Variants in FMN1 observed in about 807,000 individuals in gnomAD.
The protein encoded by FMN1 is formin-1.
Under a neutral mutation model 132.4 loss-of-function variants are expected in FMN1, and 110 were observed. The ratio of observed to expected loss-of-function variants is 0.83; its 90% confidence interval spans 0.71 to 0.97. FMN1 has a LOEUF of 0.97. Ranked by LOEUF, FMN1 falls within the 50% of genes least tolerant of loss-of-function variation. The pLI, the probability that FMN1 is intolerant of heterozygous loss-of-function variation, is 0.00. For synonymous variants in FMN1, 722 were observed against 651.7 expected, an observed-to-expected ratio of 1.11 and a Z score of -1.64; for missense variants, 1,792 against 1,705.3, an observed-to-expected ratio of 1.05 and a Z score of -0.90.
intron 6 of FMN1, among the ~76,000 whole-genome samples, chr15:33,035,967 T>C (rs2036173728): frequency 6.6e-6 from 1 of 152,132 alleles, no homozygotes; most frequent in Admixed American, 6.5e-5. Context: ...AAGAGAGACC[T>C]GTGTTTGCAT....
intron 5 of FMN1, among the ~76,000 whole-genome samples, chr15:33,078,997 A>T (rs1158917272): frequency 2.0e-5 from 3 of 152,200 alleles, no homozygotes; most frequent in African/African-American, 7.2e-5. Flanking sequence ...GCCAAAAACA[A>T]TCATGTGAAT....
intron 7 of FMN1, among the ~76,000 whole-genome samples, chr15:32,983,233 A>C (rs1022002731): frequency 2.0e-5 from 3 of 152,164 alleles, no homozygotes; most frequent in Non-Finnish European, 4.4e-5. Flanking sequence ...TCTCAAATGC[A>C]CTCTGTTAAG....
intron 7 of FMN1, among the ~76,000 whole-genome samples, chr15:32,996,552 G>A (rs182493197): frequency 6.6e-6 from 1 of 152,182 alleles, no homozygotes; most frequent in Admixed American, 6.5e-5. Flanking sequence ...CAGTGTACAG[G>A]GTAAGAGGGC....
chr15:32,887,011 C>A (rs189026232), intron 16 of FMN1, among the ~76,000 whole-genome samples: 7 of 152,130 alleles, frequency 4.6e-5, no homozygotes, highest in Non-Finnish European at 1.0e-4. Flanking sequence ...AAAAAACCCA[C>A]GTTCCTTTAA....
At chr15:32,876,270 G>GACTGTCAAAAGGTACTATTTCTATAAGTT (rs1456050260) in intron 16 of FMN1, among the ~76,000 whole-genome samples, 1 of 152,122 alleles carries the variant, frequency 6.6e-6, no homozygotes, top group Non-Finnish European at 1.5e-5. Context: ...CCAGATATAT[G>GACTGTCAAAAGGTACTATTTCTATAAGTT]ACTGTCAAAA....
chr15:32,832,141 C>A (rs1336684930), intron 17 of FMN1, among the ~76,000 whole-genome samples: 1 of 152,086 alleles, frequency 6.6e-6, no homozygotes. Flanking sequence ...TAGCTATACC[C>A]CAAAGAGTTT....
chr15:32,979,058 T>C lies in FMN1; in HGVS notation c.2224-9581A>G, dbSNP rs567088611. 9.9e-5 allele frequency among the ~76,000 whole-genome samples: 15 copies of C among 152,282 alleles called. No individual in the cohort carries two copies. The East Asian group carries it at 2.9e-3, about 29-fold the overall frequency. Reference sequence around the variant, plus strand: ...AAAATAGTTCCCGCAACTTTACAAATGATACAGCTCTCTGGGAGCAAGAAG... The same window carrying C: ...AAAATAGTTCCCGCAACTTTACAAACGATACAGCTCTCTGGGAGCAAGAAG... On this transcript the variant is annotated intron_variant, in intron 7 of 20. Transcript: ENST00000616417.
chr15:33,045,071 C>A (rs1442030963), intron 6 of FMN1, among the ~76,000 whole-genome samples: 1 of 152,242 alleles, frequency 6.6e-6, no homozygotes. Context: ...GGCTGTGACA[C>A]CTGCTTTGGG....
intron 6 of FMN1, chr15:33,012,821 G>C: frequency 1.5e-6 from 1 of 650,690 alleles, no homozygotes; most frequent in African/African-American, 1.8e-5. Context: ...GGTGGTGGAG[G>C]ATATGGTAGC....
intron 5 of FMN1, among the ~76,000 whole-genome samples, chr15:33,085,085 G>A (rs897671923): frequency 6.6e-6 from 1 of 152,160 alleles, no homozygotes; most frequent in African/African-American, 2.4e-5. Flanking sequence ...GTCATTAACA[G>A]CAGGCTATTT....
At chr15:33,068,701 G>T (rs188382767) in intron 5 of FMN1, among the ~76,000 whole-genome samples, 115 of 151,860 alleles carry the variant, frequency 7.6e-4, no homozygotes, top group African/African-American at 2.7e-3. Flanking sequence ...CCTAAAGCCC[G>T]TGAGGGATAA....
chr15:32,830,979 G>A (rs945887930), intron 17 of FMN1, among the ~76,000 whole-genome samples: 10 of 151,982 alleles, frequency 6.6e-5, no homozygotes, highest in Non-Finnish European at 1.3e-4. Context: ...ATAATCTCCC[G>A]CCACTTACTC....
chr15:32,857,465 T>G (rs553678322), intron 16 of FMN1, among the ~76,000 whole-genome samples: 17 of 152,212 alleles, frequency 1.1e-4, no homozygotes, highest in Non-Finnish European at 2.1e-4. Flanking sequence ...CTCACGAAAT[T>G]AAGGGCCTCA....
intron 17 of FMN1, among the ~76,000 whole-genome samples, chr15:32,805,416 G>A (rs2057644438): frequency 2.6e-5 from 4 of 152,006 alleles, no homozygotes; most frequent in African/African-American, 7.2e-5. Context: ...TTGTCAGATG[G>A]GTAGATTGCA....
intron 7 of FMN1, among the ~76,000 whole-genome samples, chr15:32,974,181 A>C (rs556904288): frequency 6.6e-6 from 1 of 152,292 alleles, no homozygotes; most frequent in South Asian, 2.1e-4. Context: ...TTTTAGACCA[A>C]TGTTCTTTAG....
chr15:32,912,641 G>A (rs1596257069), intron 10 of FMN1, among the ~76,000 whole-genome samples: 1 of 152,114 alleles, frequency 6.6e-6, no homozygotes, highest in East Asian at 1.9e-4. Flanking sequence ...GAGAAGACCT[G>A]CAGAGATCAG....
chr15:32,968,165 CAG>C (rs1189300079), intron 8 of FMN1, among the ~76,000 whole-genome samples: 1 of 152,302 alleles, frequency 6.6e-6, no homozygotes, highest in South Asian at 2.1e-4. Flanking sequence ...TTAAAAGAAA[CAG>C]AGTTCAAGCA....
intron 7 of FMN1, among the ~76,000 whole-genome samples, chr15:32,985,474 T>C (rs1287182837): frequency 1.3e-5 from 2 of 152,182 alleles, no homozygotes; most frequent in African/African-American, 2.4e-5. Context: ...AATATCCTAG[T>C]TGACTGTTAG....
At chr15:32,887,092 A>G (rs1006245660) in intron 16 of FMN1, among the ~76,000 whole-genome samples, 6 of 152,230 alleles carry the variant, frequency 3.9e-5, no homozygotes, top group Non-Finnish European at 7.3e-5. Context: ...TGCCCAAAGT[A>G]AAAATAAATG....
Sources: gnomAD v4.1 joint callset for allele counts (sites outside exome capture counted in the v4.1 genomes callset) on GRCh38, gnomAD v4.1.1 for gene constraint, MANE v1.5 for transcripts, NCBI Gene and HGNC (gene_info 2026-07-23, HGNC 2026-07-21) for gene names.